MS4A4E: variants seen among roughly 807,000 people sequenced by gnomAD.
MS4A4E encodes the protein membrane spanning 4-domains A4E.
MS4A4E carries 23 observed loss-of-function variants against 13.3 expected under a neutral mutation model. The ratio of observed to expected loss-of-function variants is 1.73; its 90% CI spans 1.25 to 2.45. MS4A4E has a LOEUF of 2.45. MS4A4E is among the 30% of genes most tolerant of loss of function. The probability of loss-of-function intolerance (pLI) is 0.00; values close to 1 mark genes in which losing one functional copy is unlikely to be tolerated. For synonymous variants in MS4A4E, 36 were observed against 45.6 expected, an observed-to-expected ratio of 0.79 and a Z score of 0.85; for missense variants, 144 against 131.2, an observed-to-expected ratio of 1.10 and a Z score of -0.48.
chr11:60,201,928 C>T (rs995178080), intron 8 of MS4A4E, 49 bp from the exon 9 acceptor site: 2 of 159,134 alleles, frequency 1.3e-5, no homozygotes, highest in Non-Finnish European at 2.8e-5. Flanking sequence ...CTGACTCTAC[C>T]TGAATAGGTT....
rs908583828 is a variant in MS4A4E at position 60,204,935 on chromosome 11, T to C, written c.614A>G (p.Glu205Gly). Among the ~76,000 whole-genome samples the C allele has an allele frequency of 2.6e-5, 4 of 152,192 alleles. No individual in the cohort carries two copies. The highest frequency in any genetic ancestry group is 9.7e-5 in the African/African-American group (4 of 41,450). Residue 205 changes from glutamate (E) to glycine (G), a missense_variant, in exon 8 of 9, where the codon GAA (glutamate) becomes GGA (glycine). Coordinates refer to ENST00000651255, the MANE Select transcript of MS4A4E (RefSeq NM_001393391.1). ...VWCSGDGQYL[E>G]KVYYDILSSW... is the part of the protein sequence containing the mutation. ...AGATAGAATGTCATAATAGACTTTT[T>C]CCAGATACTGTCCATCTCCGGAGCT...
chr11:60,229,969 TG>T lies in MS4A4E; in HGVS notation c.86del (p.Ser29TyrfsTer51). On this transcript the variant is annotated frameshift_variant, in exon 2 of 9. Coordinates refer to ENST00000651255, the MANE Select transcript of MS4A4E (RefSeq NM_001393391.1). LOFTEE classifies it high-confidence loss of function. Reference sequence around the variant, plus strand: ...TCTCTTGCAATCCTTTACACAGATATGAATGTATGACATCTATGTTTCCCAG... The same window carrying T: ...TCTCTTGCAATCCTTTACACAGATATAATGTATGACATCTATGTTTCCCAG... ...PQLGNIDVIH[S>X]YLCKGLQEKF... 1 of 1,613,766 alleles carries T rather than the reference TG, an allele frequency of 6.2e-7. No individual in the cohort carries two copies. The highest frequency in any genetic ancestry group is 8.5e-7 in the Non-Finnish European group (1 of 1,179,842).
At chr11:60,212,140 T>C (rs2084130516) in intron 5 of MS4A4E, among the ~76,000 whole-genome samples, 1 of 152,078 alleles carries the variant, frequency 6.6e-6, no homozygotes, top group Admixed American at 6.6e-5. Flanking sequence ...ACAAAAAAAG[T>C]AGTAAAATTC....
intron 3 of MS4A4E, among the ~76,000 whole-genome samples, chr11:60,220,937 G>T (rs1293192309): frequency 3.3e-5 from 5 of 152,148 alleles, no homozygotes; most frequent in Non-Finnish European, 5.9e-5. Context: ...CTCTGCAACA[G>T]GTCCAAACTG....
intron 3 of MS4A4E, among the ~76,000 whole-genome samples, chr11:60,220,775 C>T (rs1424313478): frequency 6.6e-6 from 1 of 152,160 alleles, no homozygotes; most frequent in African/African-American, 2.4e-5. Flanking sequence ...TATTTGCCCC[C>T]ACCCCCTACA....
intron 6 of MS4A4E, chr11:60,206,721 G>C (rs2084053333): frequency 4.3e-6 from 1 of 232,992 alleles, no homozygotes; most frequent in Admixed American, 4.1e-5. Context: ...TGCCATGTGA[G>C]AATTTGATGG....
At chr11:60,228,139 CTG>C (rs2084366488) in intron 3 of MS4A4E, among the ~76,000 whole-genome samples, 1 of 152,146 alleles carries the variant, frequency 6.6e-6, no homozygotes, top group Non-Finnish European at 1.5e-5. Context: ...GCAGAAGACA[CTG>C]TCAGAAGAAA....
chr11:60,243,038 G>T lies in MS4A4E; in HGVS notation c.-97C>A. 1 of 1,375,520 alleles carries T rather than the reference G, an allele frequency of 7.3e-7. No individual in the cohort carries two copies. Among genetic ancestry groups the T allele is most frequent in the Non-Finnish European group, 1.0e-6 (1 of 999,144 alleles). The allele number at this position is 1,375,520 out of a possible 1,614,324, so 85.2% of individuals were successfully genotyped here. ...AAGTTCCTCAAAGTTCTTTGTTCCA[G>T]ACACAGTCAGCTTCCCCCACTCCAC... On this transcript the variant is annotated 5_prime_UTR_variant, in exon 1 of 9. It adds an upstream start codon to the 5' untranslated region. Transcript: ENST00000651255.
chr11:60,205,324 A>T (rs936364128), intron 7 of MS4A4E, among the ~76,000 whole-genome samples: 7 of 152,188 alleles, frequency 4.6e-5, no homozygotes, highest in African/African-American at 1.7e-4. Flanking sequence ...AACCTACAAG[A>T]GGAAGGATAT....
In MS4A4E at chr11:60,225,211, G is replaced by C. The variant is rs2084326120; in HGVS notation, c.178+3383C>G. Reference sequence around the variant, plus strand: ...TCATTTGATATAGTCATATGACCTTGATATTCTGTTGTCACTCTTTTTTTC... The same window carrying C: ...TCATTTGATATAGTCATATGACCTTCATATTCTGTTGTCACTCTTTTTTTC... On this transcript the variant is annotated intron_variant, in intron 3 of 8. Coordinates refer to ENST00000651255, the MANE Select transcript of MS4A4E (RefSeq NM_001393391.1). 5 of 970,180 alleles carry C rather than the reference G, an allele frequency of 5.2e-6. No individual in the cohort carries two copies. In the Admixed American group the frequency reaches 1.6e-4, roughly 32 times the overall value. The allele number at this position is 970,180 out of a possible 1,614,324, so 60.1% of individuals were successfully genotyped here.
At position 60,200,738 on chromosome 11, in the gene MS4A4E, C is replaced by T. The variant is rs1169551501; in HGVS notation, c.*805G>A. Reference sequence around the variant, plus strand: ...ATCCGATTTCTCAATCTTTTCCCCACCTTTCCCCCCTTTCTATTCCACAAA... The same window carrying T: ...ATCCGATTTCTCAATCTTTTCCCCATCTTTCCCCCCTTTCTATTCCACAAA... On this transcript the variant is annotated 3_prime_UTR_variant, in exon 9 of 9. Transcript: ENST00000651255. Among the ~76,000 whole-genome samples the T allele has an allele frequency of 6.6e-6, 1 of 152,252 alleles. No homozygotes were observed. The highest frequency in any genetic ancestry group is 1.5e-5 in the Non-Finnish European group (1 of 68,040).
At chr11:60,218,326 C>T (rs899445858) in intron 3 of MS4A4E, among the ~76,000 whole-genome samples, 29 of 152,168 alleles carry the variant, frequency 1.9e-4, no homozygotes, top group Admixed American at 1.6e-3. Context: ...CCTGTGATCT[C>T]GCCCTGCCTC....
intron 1 of MS4A4E, among the ~76,000 whole-genome samples, chr11:60,235,194 C>T (rs1565129538): frequency 6.6e-6 from 1 of 152,156 alleles, no homozygotes; most frequent in African/African-American, 2.4e-5. Flanking sequence ...TCATGACTCA[C>T]TGCAGCCTTG....
chr11:60,215,440 T>A (rs1403709259), intron 3 of MS4A4E, among the ~76,000 whole-genome samples: 1 of 151,428 alleles, frequency 6.6e-6, no homozygotes, highest in African/African-American at 2.4e-5. Flanking sequence ...TAAATAAATT[T>A]AAGAAAAACG....
intron 3 of MS4A4E, among the ~76,000 whole-genome samples, chr11:60,220,192 C>G (rs1005834886): frequency 3.9e-5 from 6 of 152,172 alleles, no homozygotes; most frequent in African/African-American, 1.2e-4. Context: ...CACCACATCC[C>G]CATTCAACTC....
rs1403905376 is a variant in MS4A4E, at chr11:60,213,411, T to C, written c.223-279A>G. 3 of 993,050 alleles carry C rather than the reference T, an allele frequency of 3.0e-6. No homozygotes were observed. The African/African-American group carries it at 4.8e-5, about 16-fold the overall frequency. 61.5% of individuals were successfully genotyped at this position (993,050 alleles called of 1,614,324 possible). On this transcript the variant is annotated intron_variant, in intron 4 of 8. Coordinates refer to ENST00000651255, the MANE Select transcript of MS4A4E (RefSeq NM_001393391.1). Reference sequence around the variant, plus strand: ...TTTACACATTAGCTGGACAGTCATGTCTGTGTCCTTCCCTGCCATTCCTTG... The same window carrying C: ...TTTACACATTAGCTGGACAGTCATGCCTGTGTCCTTCCCTGCCATTCCTTG...
intron 3 of MS4A4E, 101 bp from the exon 4 acceptor site, chr11:60,214,715 G>T (rs2084168907): frequency 1.4e-6 from 1 of 691,386 alleles, no homozygotes; most frequent in African/African-American, 1.8e-5. Flanking sequence ...AAATTAGATA[G>T]ATATGTATAA....
intron 3 of MS4A4E, among the ~76,000 whole-genome samples, chr11:60,220,909 G>C (rs1308611692): frequency 6.6e-6 from 1 of 152,172 alleles, no homozygotes. Flanking sequence ...TTTGAGTGGG[G>C]TCCAGGACAG....
intron 3 of MS4A4E, among the ~76,000 whole-genome samples, chr11:60,225,783 G>T (rs1038636453): frequency 6.7e-6 from 1 of 149,594 alleles, no homozygotes; most frequent in Non-Finnish European, 1.5e-5. Context: ...GTAAGCGGAA[G>T]AAAAAAAAGT....
Sources: gnomAD v4.1 joint callset for allele counts (sites outside exome capture counted in the v4.1 genomes callset) on GRCh38, gnomAD v4.1.1 for gene constraint, MANE v1.5 for transcripts, NCBI Gene and HGNC (gene_info 2026-07-23, HGNC 2026-07-21) for gene names.